The following PTPRD variants were observed in gnomAD, a reference collection of about 807,000 sequenced individuals.
PTPRD encodes the protein protein tyrosine phosphatase receptor type D.
A neutral mutation model predicts 214.5 loss-of-function variants in PTPRD; 34 were observed. That is an observed-to-expected ratio of 0.16 (90% CI 0.12 to 0.21). PTPRD has a LOEUF of 0.21. Ranked by LOEUF, PTPRD falls within the 10% of genes least tolerant of loss-of-function variation. The pLI, the probability that PTPRD is intolerant of heterozygous loss-of-function variation, is 1.00. For missense variants in PTPRD, 2,545 were observed against 2,398.7 expected, an observed-to-expected ratio of 1.06 and a Z score of -1.27; for synonymous variants, 1,128 against 845.7, an observed-to-expected ratio of 1.33 and a Z score of -5.79.
chr9:10,354,764 T>G (rs945480632), intron 2 of PTPRD, among the ~76,000 whole-genome samples: 4 of 152,160 alleles, frequency 2.6e-5, no homozygotes, highest in African/African-American at 9.7e-5. Flanking sequence ...TCCATCTTCA[T>G]GTCATTTTTT....
At chr9:8,642,479 C>T (rs954402254) in intron 12 of PTPRD, among the ~76,000 whole-genome samples, 1 of 152,116 alleles carries the variant, frequency 6.6e-6, no homozygotes, top group African/African-American at 2.4e-5. Context: ...CATGCAGGTA[C>T]CCCTGTCTTT....
intron 3 of PTPRD, among the ~76,000 whole-genome samples, chr9:10,197,827 C>G (rs2099403904): frequency 6.6e-6 from 1 of 151,936 alleles, no homozygotes; most frequent in Non-Finnish European, 1.5e-5. Context: ...AGAAAGAGAA[C>G]AGAGAAGTAA....
chr9:8,420,652 T>C (rs2094290546), intron 35 of PTPRD, among the ~76,000 whole-genome samples: 1 of 152,158 alleles, frequency 6.6e-6, no homozygotes, highest in African/African-American at 2.4e-5. Flanking sequence ...GTTCTTTTCA[T>C]GCAAATATTT....
chr9:9,869,952 TC>T (rs2065007998), intron 5 of PTPRD, among the ~76,000 whole-genome samples: 1 of 152,034 alleles, frequency 6.6e-6, no homozygotes, highest in Non-Finnish European at 1.5e-5. Flanking sequence ...GTAAAGTTTG[TC>T]CATAGCACTG....
intron 43 of PTPRD, 125 bp from the exon 44 acceptor site, chr9:8,331,861 C>A: frequency 8.6e-7 from 1 of 1,167,642 alleles, no homozygotes; most frequent in South Asian, 1.8e-5. Context: ...AAGTTAGGAA[C>A]ATGTTTAAAT....
Position 8,712,931 on chromosome 9 carries a change from C to A in PTPRD, c.64+20849G>T, listed in dbSNP as rs141246542. 6.7e-3 allele frequency among the ~76,000 whole-genome samples: 1,016 copies of A among 152,260 alleles called. 13 individuals carry two copies. Among genetic ancestry groups the A allele is most frequent in the African/African-American group, 0.023 (969 of 41,560 alleles). On this transcript the variant is annotated intron_variant, in intron 12 of 45. Transcript: ENST00000381196. ...ACGGGGTTTCACCATGTTGGCCAGGCTGGTCTCAAACTCCTGACCTCAGGT... is the reference window on the plus strand; with the variant it reads ...ACGGGGTTTCACCATGTTGGCCAGGATGGTCTCAAACTCCTGACCTCAGGT...
At chr9:9,863,870 C>T (rs1029971633) in intron 5 of PTPRD, among the ~76,000 whole-genome samples, 2 of 151,592 alleles carry the variant, frequency 1.3e-5, no homozygotes, top group Non-Finnish European at 2.9e-5. Flanking sequence ...AGAAATGGAC[C>T]CAAAGATTTG....
chr9:8,643,933 G>A (rs552408215), intron 12 of PTPRD, among the ~76,000 whole-genome samples: 1 of 152,210 alleles, frequency 6.6e-6, no homozygotes, highest in Non-Finnish European at 1.5e-5. Context: ...AGGGCCTGAA[G>A]TCTGAGTGCT....
At chr9:9,527,430 A>G (rs2154260894) in intron 8 of PTPRD, among the ~76,000 whole-genome samples, 1 of 152,366 alleles carries the variant, frequency 6.6e-6, no homozygotes, top group Admixed American at 6.5e-5. Flanking sequence ...GTCAGTAAGA[A>G]CAAATGTTTG....
chr9:9,250,822 T>G (rs111515693), intron 9 of PTPRD, among the ~76,000 whole-genome samples: 16 of 152,182 alleles, frequency 1.1e-4, no homozygotes, highest in African/African-American at 3.4e-4. Context: ...CCCAACAAAT[T>G]TGTTTTCCTG....
intron 4 of PTPRD, among the ~76,000 whole-genome samples, chr9:10,030,775 A>G (rs1436376230): frequency 6.6e-6 from 1 of 152,184 alleles, no homozygotes; most frequent in Non-Finnish European, 1.5e-5. Context: ...TATTTAGTGA[A>G]GATACAAACC....
chr9:10,004,059 T>C (rs2154097227), intron 4 of PTPRD, among the ~76,000 whole-genome samples: 1 of 152,016 alleles, frequency 6.6e-6, no homozygotes, highest in East Asian at 1.9e-4. Flanking sequence ...AATAATTTAA[T>C]GGGTATTTAT....
chr9:9,356,483 T>G (rs2053836588), intron 9 of PTPRD, among the ~76,000 whole-genome samples: 1 of 151,440 alleles, frequency 6.6e-6, no homozygotes, highest in Non-Finnish European at 1.5e-5. Context: ...TCAGAGCATA[T>G]TCATTATGAA....
intron 8 of PTPRD, among the ~76,000 whole-genome samples, chr9:9,405,760 G>C (rs911809477): frequency 6.6e-6 from 1 of 151,920 alleles, no homozygotes; most frequent in African/African-American, 2.4e-5. Flanking sequence ...TTAACAAAAT[G>C]TATTTTCCCC....
chr9:8,811,927 T>C (rs534040453), intron 11 of PTPRD, among the ~76,000 whole-genome samples: 1 of 152,272 alleles, frequency 6.6e-6, no homozygotes, highest in East Asian at 1.9e-4. Flanking sequence ...TTGAGGCTTG[T>C]GAGGCCTGAG....
chr9:9,728,291 G>C (rs1349633081), intron 7 of PTPRD, among the ~76,000 whole-genome samples: 2 of 152,242 alleles, frequency 1.3e-5, no homozygotes, highest in East Asian at 1.9e-4. Context: ...GAATATTTTA[G>C]AGGCTATTAG....
At chr9:9,374,350 C>G (rs1290430353) in intron 9 of PTPRD, among the ~76,000 whole-genome samples, 1 of 151,820 alleles carries the variant, frequency 6.6e-6, no homozygotes, top group Non-Finnish European at 1.5e-5. Context: ...ATTTTTAAAA[C>G]AGGAACATTA....
chr9:9,634,825 C>A (rs753006485), intron 7 of PTPRD, among the ~76,000 whole-genome samples: 1 of 152,120 alleles, frequency 6.6e-6, no homozygotes, highest in Non-Finnish European at 1.5e-5. Flanking sequence ...CTCTAAGTAC[C>A]AATTCCCACA....
intron 14 of PTPRD, among the ~76,000 whole-genome samples, chr9:8,553,503 C>T (rs1428099469): frequency 3.3e-5 from 5 of 152,224 alleles, no homozygotes; most frequent in East Asian, 1.9e-4. Context: ...ATTTATCAGT[C>T]GTTTACTGGA....
Sources: allele counts gnomAD v4.1 joint callset (sites outside exome capture counted in the v4.1 genomes callset), GRCh38; gene constraint gnomAD v4.1.1; transcripts MANE v1.5; gene names NCBI Gene and HGNC (gene_info 2026-07-23, HGNC 2026-07-21).